Variants in PHEX observed in about 807,000 individuals in gnomAD.
PHEX encodes phosphate regulating endopeptidase X-linked.
Under a neutral mutation model 68.0 loss-of-function variants are expected in PHEX, and 16 were observed. The observed-to-expected ratio is 0.24, with a 90% CI of 0.16 to 0.36. The LOEUF is 0.36. Ranked by LOEUF, PHEX falls within the 10% of genes least tolerant of loss-of-function variation. PHEX has a pLI of 1.00. For synonymous variants in PHEX, 208 were observed against 205.1 expected, an observed-to-expected ratio of 1.01 and a Z score of -0.12; for missense variants, 480 against 575.5, an observed-to-expected ratio of 0.83 and a Z score of 1.70.
chrX:22,221,429 T>G (rs909563220), intron 17 of PHEX, among the ~76,000 whole-genome samples, 184 bp from the exon 18 acceptor site: 7 of 112,108 alleles, frequency 6.2e-5, no homozygotes, highest in Admixed American at 5.7e-4. Flanking sequence ...CTCAATTGTC[T>G]TTATCCTTTT....
At chrX:22,161,059 C>A (rs1297835270) in intron 12 of PHEX, among the ~76,000 whole-genome samples, 1 of 110,319 alleles carries the variant, frequency 9.1e-6, no homozygotes. Flanking sequence ...ATGCTTGAAC[C>A]CGAGAGGTGG....
At chrX:22,216,897 C>T (rs187751258) in intron 16 of PHEX, among the ~76,000 whole-genome samples, 78 of 111,884 alleles carry the variant, frequency 7.0e-4, no homozygotes, top group African/African-American at 1.9e-3. Context: ...TTATTATTGT[C>T]AGGCTTAGTC....
intron 12 of PHEX, among the ~76,000 whole-genome samples, chrX:22,151,557 A>T (rs1165661226): frequency 1.8e-5 from 2 of 111,268 alleles, no homozygotes; most frequent in South Asian, 3.8e-4. Context: ...GGCAGACTCC[A>T]TTTCTCAGCA....
chrX:22,178,807 T>C lies in PHEX; in HGVS notation c.1586+431T>C, dbSNP rs1318863276. Among the ~76,000 whole-genome samples the C allele has an allele frequency of 3.6e-5, 4 of 112,078 alleles. No homozygotes were observed. In the East Asian group the frequency reaches 1.1e-3, roughly 31 times the overall value. On this transcript the variant is annotated intron_variant, in intron 14 of 21. Coordinates refer to ENST00000379374, the MANE Select transcript of PHEX (RefSeq NM_000444.6). ...AAAATATTTGTTGAGGTAATGCCTA[T>C]CAAAGAACTGATAGCTATATTGTTT...
intron 14 of PHEX, among the ~76,000 whole-genome samples, chrX:22,186,736 C>T (rs1046409166): frequency 3.6e-5 from 4 of 111,753 alleles, no homozygotes; most frequent in East Asian, 5.6e-4. Flanking sequence ...AAGATGTTTT[C>T]GTTATTCTTG....
At chrX:22,053,217 C>T (rs1041438343) in intron 3 of PHEX, among the ~76,000 whole-genome samples, 2 of 112,006 alleles carry the variant, frequency 1.8e-5, no homozygotes, top group Non-Finnish European at 3.8e-5. Context: ...ATATTGAATA[C>T]TGTCAAGATA....
chrX:22,047,378 T>C (rs1474268008), intron 3 of PHEX, among the ~76,000 whole-genome samples, 167 bp downstream of exon 3: 5 of 112,407 alleles, frequency 4.4e-5, no homozygotes, highest in Non-Finnish European at 9.4e-5. Flanking sequence ...TGCAGAATTC[T>C]GGACTCCCAG....
At chrX:22,212,097 C>T (rs1463886794) in intron 15 of PHEX, among the ~76,000 whole-genome samples, 1 of 111,372 alleles carries the variant, frequency 9.0e-6, no homozygotes, top group Admixed American at 9.5e-5. Context: ...GGTGTTTGGC[C>T]AATACAGGGA....
At chrX:22,051,716 C>T (rs1927841111) in intron 3 of PHEX, among the ~76,000 whole-genome samples, 1 of 111,224 alleles carries the variant, frequency 9.0e-6, no homozygotes, top group South Asian at 3.7e-4. Flanking sequence ...CATTTTCCAT[C>T]TGTAAATATA....
chrX:22,099,111 T>A lies in PHEX; in HGVS notation c.1039T>A (p.Phe347Ile), dbSNP rs1181402104. The A allele has an allele frequency of 8.3e-7, 1 of 1,209,021 alleles. No homozygotes were observed. Among genetic ancestry groups the A allele is most frequent in the Non-Finnish European group, 1.1e-6 (1 of 893,543 alleles). The change falls in exon 9 of 22, where the codon TTT becomes ATT. Residue 347 changes from phenylalanine to isoleucine, a missense_variant. Coordinates refer to ENST00000379374, the MANE Select transcript of PHEX (RefSeq NM_000444.6). ...TGTGGTGGTCCGCGTCCCGCAGTAC[T>A]TTAAAGATTTGTTTAGGATATTAGG... ...ENVVVRVPQY[F>I]KDLFRILGSE...
intron 11 of PHEX, among the ~76,000 whole-genome samples, chrX:22,117,870 T>C (rs895827791): frequency 8.1e-5 from 9 of 110,806 alleles, no homozygotes; most frequent in African/African-American, 3.0e-4. Context: ...TGGAAACTTA[T>C]AAGAGAAATA....
rs138671145 is a variant in PHEX at position 22,103,156 on chromosome X, A to G, written c.1079+4005A>G. 5.7e-3 allele frequency among the ~76,000 whole-genome samples: 629 copies of G among 111,241 alleles called. 3 individuals are homozygous for G. The highest frequency in any genetic ancestry group is 0.019 in the African/African-American group (596 of 30,581). On this transcript the variant is annotated intron_variant, in intron 9 of 21. Transcript: ENST00000379374. ...TAAATGTCTTGGTGTGAAAAGAGATACTTTTCAGATGCTTCACTGCTCATT... is the reference window on the plus strand; with the variant it reads ...TAAATGTCTTGGTGTGAAAAGAGATGCTTTTCAGATGCTTCACTGCTCATT...
intron 15 of PHEX, among the ~76,000 whole-genome samples, chrX:22,195,751 A>T (rs946247665): frequency 8.9e-6 from 1 of 112,153 alleles, no homozygotes; most frequent in Non-Finnish European, 1.9e-5. Context: ...TCTATATGAT[A>T]GAAGTTAAAA....
chrX:22,060,908 C>A (rs1385151776), intron 3 of PHEX, among the ~76,000 whole-genome samples: 1 of 111,482 alleles, frequency 9.0e-6, no homozygotes, highest in African/African-American at 3.3e-5. Context: ...AGAAGGATTG[C>A]ATATTTTTGA....
At chrX:22,196,106 G>T (rs757560727) in intron 15 of PHEX, among the ~76,000 whole-genome samples, 2 of 111,849 alleles carry the variant, frequency 1.8e-5, no homozygotes, top group East Asian at 5.6e-4. Context: ...TTGAGCCCAG[G>T]GGTTTGAGAC....
intron 15 of PHEX, among the ~76,000 whole-genome samples, chrX:22,192,756 C>T (rs904846043): frequency 8.9e-6 from 1 of 112,033 alleles, no homozygotes; most frequent in Non-Finnish European, 1.9e-5. Context: ...CCTGCCTTCC[C>T]TCTGGCCAGT....
intron 3 of PHEX, among the ~76,000 whole-genome samples, chrX:22,062,547 C>T (rs752293927): frequency 9.0e-6 from 1 of 111,355 alleles, no homozygotes; most frequent in South Asian, 3.8e-4. Flanking sequence ...ATATCTTAAA[C>T]TTGCAACCCT....
At chrX:22,233,356 G>A (rs957611941) in intron 20 of PHEX, among the ~76,000 whole-genome samples, 1 of 111,457 alleles carries the variant, frequency 9.0e-6, no homozygotes, top group African/African-American at 3.3e-5. Context: ...CTGTGGGCCT[G>A]TCTTGCTAGG....
rs773135056 is a variant in PHEX, at chrX:22,250,155, C to G, written c.*2202C>G. The stretch of plus-strand genomic sequence containing the variant: ...CAAAAGCAGCAATACCAAATCATCA[C>G]TACTAGCTAGAACAATGAGAAGGAT... On this transcript the variant is annotated 3_prime_UTR_variant, in exon 22 of 22. Coordinates refer to ENST00000379374, the MANE Select transcript of PHEX (RefSeq NM_000444.6). 8.9e-6 allele frequency: 1 copy of G among 112,318 alleles called. No homozygotes were observed. Among genetic ancestry groups the G allele is most frequent in the East Asian group, 2.8e-4 (1 of 3,570 alleles). The allele number at this position is 112,318 out of a possible 1,213,427, so 9.3% of individuals were successfully genotyped here.
Sources: gnomAD v4.1 joint callset for allele counts (sites outside exome capture counted in the v4.1 genomes callset) on GRCh38, gnomAD v4.1.1 for gene constraint, MANE v1.5 for transcripts, NCBI Gene and HGNC (gene_info 2026-07-23, HGNC 2026-07-21) for gene names.